Variants in UVRAG observed in about 807,000 individuals in gnomAD.
The protein encoded by UVRAG is UV radiation resistance-associated gene protein.
UVRAG carries 19 observed loss-of-function variants against 78.0 expected under a neutral mutation model. The observed-to-expected ratio is 0.24, with a 90% CI of 0.17 to 0.36. UVRAG has a LOEUF of 0.36. Among genes scored for constraint, UVRAG ranks in the 10% least tolerant of loss-of-function variants. The pLI, the probability that UVRAG is intolerant of heterozygous loss-of-function variation, is 1.00. For missense variants in UVRAG, 740 were observed against 853.8 expected (o/e 0.87, Z 1.66); for synonymous variants, 323 against 324.6 (o/e 1.00, Z 0.05).
rs770235687 is a variant in UVRAG, at chr11:76,140,940, A to G, written c.1627A>G (p.Lys543Glu). Residue 543 changes from lysine to glutamate, a missense_variant, in exon 15 of 15, where the codon AAG becomes GAG. Lys to Glu is a moderately conservative substitution (Grantham distance 56). Transcript: ENST00000356136. ...CCCCTCCATGGGAGAGACCGAGAGA[A>G]AGATAACATCTCTATCCTCCTCCTT... The part of the protein sequence containing the change: ...TVPSMGETER[K>E]ITSLSSSLDT... 6.2e-7 allele frequency: 1 copy of G among 1,614,188 alleles called. No homozygotes were observed. The highest frequency in any genetic ancestry group is 1.1e-5 in the South Asian group (1 of 91,078).
intron 12 of UVRAG, among the ~76,000 whole-genome samples, chr11:76,023,738 C>G (rs1362053229): frequency 2.6e-5 from 4 of 152,078 alleles, no homozygotes; most frequent in Non-Finnish European, 4.4e-5. Context: ...AAACTTTCTT[C>G]CTGGTTTTGA....
At chr11:75,962,441 A>C (rs1322844956) in intron 7 of UVRAG, among the ~76,000 whole-genome samples, 1 of 152,172 alleles carries the variant, frequency 6.6e-6, no homozygotes, top group Non-Finnish European at 1.5e-5. Context: ...AACCTTACAG[A>C]AACTTCTCTC....
At chr11:75,932,158 A>G (rs578013362) in intron 6 of UVRAG, among the ~76,000 whole-genome samples, 9 of 152,214 alleles carry the variant, frequency 5.9e-5, no homozygotes, top group Non-Finnish European at 1.0e-4. Context: ...TTATTTGGCA[A>G]TATCAATTTA....
intron 6 of UVRAG, among the ~76,000 whole-genome samples, chr11:75,936,819 GGCT>G (rs775889747): frequency 6.6e-6 from 1 of 152,158 alleles, no homozygotes; most frequent in Non-Finnish European, 1.5e-5. Flanking sequence ...GTGTCTCCCA[GGCT>G]GGCGTGCAAT....
intron 13 of UVRAG, among the ~76,000 whole-genome samples, chr11:76,070,766 G>A (rs1951289844): frequency 6.6e-6 from 1 of 152,154 alleles, no homozygotes; most frequent in South Asian, 2.1e-4. Context: ...AAATATTGTA[G>A]CGTTCCATTT....
intron 13 of UVRAG, among the ~76,000 whole-genome samples, chr11:76,081,917 T>C (rs1412516342): frequency 6.8e-6 from 1 of 147,560 alleles, no homozygotes; most frequent in Non-Finnish European, 1.5e-5. Context: ...ACCAGCATGA[T>C]GTAGAGTAAA....
At chr11:75,823,544 A>C (rs1945446551) in intron 1 of UVRAG, among the ~76,000 whole-genome samples, 2 of 152,196 alleles carry the variant, frequency 1.3e-5, no homozygotes, top group Admixed American at 6.5e-5. Flanking sequence ...TATATTGCCC[A>C]GGCTGGTCTC....
At chr11:75,907,977 A>C (rs908908036) in intron 5 of UVRAG, among the ~76,000 whole-genome samples, 4 of 152,204 alleles carry the variant, frequency 2.6e-5, no homozygotes, top group African/African-American at 9.7e-5. Context: ...CATTAGGTAC[A>C]TTCACACTGT....
chr11:75,885,399 A>G (rs1947053650), intron 4 of UVRAG, among the ~76,000 whole-genome samples: 1 of 152,156 alleles, frequency 6.6e-6, no homozygotes, highest in Admixed American at 6.5e-5. Context: ...ACATACATAC[A>G]ATGACCTGAA....
intron 3 of UVRAG, among the ~76,000 whole-genome samples, chr11:75,878,940 A>T (rs1209110759): frequency 4.9e-5 from 7 of 143,316 alleles, no homozygotes; most frequent in Non-Finnish European, 9.3e-5. Flanking sequence ...GGAGAGGGAG[A>T]CCCCCTTATG....
intron 11 of UVRAG, chr11:76,012,862 A>T (rs1027338368): frequency 1.3e-5 from 2 of 149,236 alleles, no homozygotes; most frequent in African/African-American, 4.9e-5. Context: ...AGTAATCCAT[A>T]ACACGAGAGC....
intron 14 of UVRAG, among the ~76,000 whole-genome samples, chr11:76,130,928 T>G (rs954387896): frequency 1.6e-4 from 24 of 149,664 alleles, no homozygotes; most frequent in Non-Finnish European, 3.0e-4. Flanking sequence ...AGGTTTTGGG[T>G]TTTTTTGTTT....
chr11:75,911,998 G>C lies in UVRAG; in HGVS notation c.552G>C (p.Gln184His). 6.2e-7 allele frequency: 1 copy of C among 1,613,642 alleles called. No homozygotes were observed. Among genetic ancestry groups the C allele is most frequent in the Non-Finnish European group, 8.5e-7 (1 of 1,179,762 alleles). ...AGACTATTCTTCTGCAGGTGGATCA[G>C]AACTGTGTTCGCAATTCTTACGATG... is the stretch of plus-strand genomic sequence containing the variant. ...AQKTILLQVD[Q>H]NCVRNSYDVF... The change falls in exon 6 of 15, where the codon CAG (glutamine) becomes CAC (histidine). Residue 184 changes from glutamine to histidine, a missense_variant. Physicochemically the swap from Gln to His is conservative, Grantham distance 24 (BLOSUM62 0). Coordinates refer to ENST00000356136, the MANE Select transcript of UVRAG (RefSeq NM_003369.4).
chr11:76,133,968 T>G (rs1384911002), intron 14 of UVRAG, among the ~76,000 whole-genome samples: 2 of 147,908 alleles, frequency 1.4e-5, no homozygotes, highest in Non-Finnish European at 3.0e-5. Flanking sequence ...CTTTTTTTTT[T>G]TTTGAGACGG....
intron 1 of UVRAG, among the ~76,000 whole-genome samples, chr11:75,828,360 C>A (rs894305785): frequency 6.6e-6 from 1 of 151,138 alleles, no homozygotes; most frequent in Non-Finnish European, 1.5e-5. Flanking sequence ...GTAATCCTAG[C>A]CTACCTGGGA....
At chr11:75,913,201 G>T (rs1314860283) in intron 6 of UVRAG, among the ~76,000 whole-genome samples, 5 of 152,126 alleles carry the variant, frequency 3.3e-5, no homozygotes, top group Admixed American at 6.5e-5. Context: ...GAGGCGTAGG[G>T]TACAATTATT....
chr11:75,956,104 A>G (rs921415072), intron 6 of UVRAG, among the ~76,000 whole-genome samples: 8 of 152,112 alleles, frequency 5.3e-5, no homozygotes, highest in Non-Finnish European at 8.8e-5. Flanking sequence ...ATATTGTTGT[A>G]TGTACCAGTG....
chr11:75,867,696 A>G (rs1253902883), intron 3 of UVRAG, among the ~76,000 whole-genome samples: 1 of 152,226 alleles, frequency 6.6e-6, no homozygotes, highest in African/African-American at 2.4e-5. Context: ...GCTGCCAAAT[A>G]GTTTTCCAAA....
chr11:76,038,658 G>C (rs1950585407), intron 12 of UVRAG, among the ~76,000 whole-genome samples: 1 of 152,196 alleles, frequency 6.6e-6, no homozygotes, highest in African/African-American at 2.4e-5. Flanking sequence ...ATTTGACTTT[G>C]AGTTAATTTA....
Sources: allele counts gnomAD v4.1 joint callset (sites outside exome capture counted in the v4.1 genomes callset), GRCh38; gene constraint gnomAD v4.1.1; transcripts MANE v1.5; gene names NCBI Gene and HGNC (gene_info 2026-07-23, HGNC 2026-07-21).